LINGO2: variants seen among roughly 807,000 people sequenced by gnomAD.
LINGO2 encodes the protein leucine-rich repeat and immunoglobulin-like domain-containing nogo receptor-interacting protein 2.
LINGO2 carries 14 observed loss-of-function variants against 30.6 expected under a neutral mutation model. That is an observed-to-expected ratio of 0.46 (90% CI 0.30 to 0.72). The LOEUF (loss-of-function observed/expected upper bound fraction) is 0.72, where lower values mean the gene tolerates loss of function less well. Ranked by LOEUF, LINGO2 falls within the 30% of genes least tolerant of loss-of-function variation. The pLI, the probability that LINGO2 is intolerant of heterozygous loss-of-function variation, is 0.07. For synonymous variants in LINGO2, 317 were observed against 288.5 expected (o/e 1.10, Z -1.00); for missense variants, 729 against 751.7 (o/e 0.97, Z 0.35).
chr9:28,341,041 G>C (rs1028615274), intron 3 of LINGO2, among the ~76,000 whole-genome samples: 1 of 151,972 alleles, frequency 6.6e-6, no homozygotes, highest in Non-Finnish European at 1.5e-5. Flanking sequence ...AAAAACTAAG[G>C]CAAGCAAGGA....
chr9:28,274,439 C>T (rs1461860883), intron 4 of LINGO2, among the ~76,000 whole-genome samples: 1 of 152,184 alleles, frequency 6.6e-6, no homozygotes. Flanking sequence ...TCACTGAATT[C>T]ATAAATAACT....
At chr9:29,139,165 A>C in the LINGO2 span, among the ~76,000 whole-genome samples, 1 of 152,124 alleles carries the variant, frequency 6.6e-6, no homozygotes, top group African/African-American at 2.4e-5. Flanking sequence ...TCAGCTCAAC[A>C]ACCCATGAAG....
At chr9:27,966,296 CCTG>C (rs1820097613) in intron 5 of LINGO2, among the ~76,000 whole-genome samples, 1 of 152,020 alleles carries the variant, frequency 6.6e-6, no homozygotes, top group South Asian at 2.1e-4. Flanking sequence ...GGCAAAAATT[CCTG>C]CTAAGAAGTT....
intron 4 of LINGO2, among the ~76,000 whole-genome samples, chr9:28,122,612 A>C (rs1285143742): frequency 2.6e-5 from 4 of 152,186 alleles, no homozygotes; most frequent in Non-Finnish European, 4.4e-5. Context: ...TGTGGGTTTC[A>C]GTATGAAAGT....
the LINGO2 span, among the ~76,000 whole-genome samples, chr9:29,125,392 G>A: frequency 9.9e-5 from 15 of 151,848 alleles, no homozygotes; most frequent in Non-Finnish European, 1.8e-4. Context: ...AACCCTGCAC[G>A]TTCTGCACAT....
intron 4 of LINGO2, among the ~76,000 whole-genome samples, chr9:28,164,643 G>C (rs530138210): frequency 6.6e-6 from 1 of 152,254 alleles, no homozygotes; most frequent in African/African-American, 2.4e-5. Flanking sequence ...CTTGATATCA[G>C]GCAATCTGAA....
At chr9:28,848,156 G>A in the LINGO2 span, among the ~76,000 whole-genome samples, 5 of 63,900 alleles carry the variant, frequency 7.8e-5, no homozygotes, top group East Asian at 4.1e-4. Context: ...CTATATATAC[G>A]CATATATAGT....
the LINGO2 span, among the ~76,000 whole-genome samples, chr9:28,988,821 C>A: frequency 2.6e-5 from 4 of 152,182 alleles, no homozygotes; most frequent in Non-Finnish European, 5.9e-5. Flanking sequence ...TGAAGTGACA[C>A]CATTCTTCTA....
chr9:28,097,276 G>C (rs538219030), intron 4 of LINGO2, among the ~76,000 whole-genome samples: 1 of 152,200 alleles, frequency 6.6e-6, no homozygotes, highest in African/African-American at 2.4e-5. Context: ...AGTCAGTGCG[G>C]CGATTCCTCA....
At chr9:28,301,837 G>A (rs1355199430) in intron 3 of LINGO2, among the ~76,000 whole-genome samples, 7 of 152,020 alleles carry the variant, frequency 4.6e-5, no homozygotes, top group African/African-American at 1.7e-4. Context: ...AGAAAAGGCA[G>A]GTCACCTACA....
At chr9:29,129,549 G>T in the LINGO2 span, among the ~76,000 whole-genome samples, 1 of 151,882 alleles carries the variant, frequency 6.6e-6, no homozygotes, top group Non-Finnish European at 1.5e-5. Context: ...TGCTTTTTAG[G>T]GCTTCAGTAA....
chr9:28,599,706 T>C (rs1825381555), intron 1 of LINGO2, among the ~76,000 whole-genome samples: 3 of 152,188 alleles, frequency 2.0e-5, no homozygotes. Context: ...TTGTTTATTG[T>C]TTACCCAATT....
intron 3 of LINGO2, among the ~76,000 whole-genome samples, chr9:28,313,837 G>C (rs892376892): frequency 6.6e-6 from 1 of 152,166 alleles, no homozygotes; most frequent in Non-Finnish European, 1.5e-5. Flanking sequence ...CTTTGTATGT[G>C]TCTCTGAAGG....
intron 2 of LINGO2, among the ~76,000 whole-genome samples, chr9:28,396,670 C>T (rs1822055803): frequency 8.1e-6 from 1 of 123,988 alleles, no homozygotes; most frequent in Non-Finnish European, 1.6e-5. Context: ...CGCCACTGCA[C>T]TCCAGCCTGG....
At chr9:28,652,360 C>T (rs75011309) in intron 1 of LINGO2, among the ~76,000 whole-genome samples, 1 of 152,014 alleles carries the variant, frequency 6.6e-6, no homozygotes, top group South Asian at 2.1e-4. Context: ...AAAAATCTTA[C>T]CAAAAAGAAG....
intron 4 of LINGO2, among the ~76,000 whole-genome samples, chr9:28,020,998 C>T (rs560518559): frequency 1.3e-5 from 2 of 151,886 alleles, no homozygotes; most frequent in South Asian, 4.1e-4. Context: ...CTTTTGGTTT[C>T]ATTTCTTTTC....
At chr9:28,897,287 T>C in the LINGO2 span, among the ~76,000 whole-genome samples, 1 of 152,216 alleles carries the variant, frequency 6.6e-6, no homozygotes, top group African/African-American at 2.4e-5. Context: ...ATCTGGGCTT[T>C]TGGGGAAAGT....
chr9:28,836,730 C>G, the LINGO2 span, among the ~76,000 whole-genome samples: 1 of 152,034 alleles, frequency 6.6e-6, no homozygotes, highest in Non-Finnish European at 1.5e-5. Flanking sequence ...CTCAAACAAT[C>G]TTAAACTTCT....
chr9:28,437,393 T>C (rs1823989855), intron 2 of LINGO2, among the ~76,000 whole-genome samples: 1 of 152,130 alleles, frequency 6.6e-6, no homozygotes, highest in South Asian at 2.1e-4. Flanking sequence ...TCCCTGGTCC[T>C]GAGGCTGTCA....
Sources: gnomAD v4.1 joint callset for allele counts (sites outside exome capture counted in the v4.1 genomes callset) on GRCh38, gnomAD v4.1.1 for gene constraint, MANE v1.5 for transcripts, NCBI Gene and HGNC (gene_info 2026-07-23, HGNC 2026-07-21) for gene names.